The following PPARGC1A variants were observed in gnomAD, a reference collection of about 807,000 sequenced individuals.
The protein encoded by PPARGC1A is peroxisome proliferator-activated receptor gamma coactivator 1-alpha.
PPARGC1A carries 25 observed loss-of-function variants against 88.7 expected under a neutral mutation model. The ratio of observed to expected loss-of-function variants is 0.28; its 90% confidence interval spans 0.21 to 0.39. The LOEUF (loss-of-function observed/expected upper bound fraction) is 0.39. Ranked by LOEUF, PPARGC1A falls within the 10% of genes least tolerant of loss-of-function variation. The pLI is 1.00. For missense variants in PPARGC1A, 880 were observed against 968.7 expected (o/e 0.91, Z 1.22); for synonymous variants, 363 against 355.6 (o/e 1.02, Z -0.24).
chr4:23,805,391 G>T (rs2109373345), intron 10 of PPARGC1A, among the ~76,000 whole-genome samples: 1 of 152,328 alleles, frequency 6.6e-6, no homozygotes, highest in South Asian at 2.1e-4. Flanking sequence ...ATAACAAACA[G>T]TTGGTAAAAC....
intron 2 of PPARGC1A, among the ~76,000 whole-genome samples, chr4:23,844,316 T>TTATAG (rs59288315): frequency 0.62 from 86,963 of 140,014 alleles, 27,314 homozygotes; most frequent in Admixed American, 0.7. Context: ...ACATATTATA[T>TTATAG]TAGAATAATC....
At chr4:24,300,367 T>G in the PPARGC1A span, among the ~76,000 whole-genome samples, 1 of 110,048 alleles carries the variant, frequency 9.1e-6, no homozygotes, top group African/African-American at 3.6e-5. Context: ...TTTTTTTTTT[T>G]GCTTAAGTTA....
At chr4:24,169,899 A>T in the PPARGC1A span, among the ~76,000 whole-genome samples, 1 of 152,202 alleles carries the variant, frequency 6.6e-6, no homozygotes, top group Admixed American at 6.5e-5. Flanking sequence ...ATTTTACATG[A>T]TCATACAAAT....
the PPARGC1A span, among the ~76,000 whole-genome samples, chr4:23,989,943 T>C: frequency 6.7e-6 from 1 of 149,598 alleles, no homozygotes; most frequent in South Asian, 2.1e-4. Flanking sequence ...AAATAATTTG[T>C]ACCTACCATG....
At chr4:24,311,292 G>A in the PPARGC1A span, among the ~76,000 whole-genome samples, 1 of 147,058 alleles carries the variant, frequency 6.8e-6, no homozygotes, top group African/African-American at 2.5e-5. Context: ...TAGTAGCGAC[G>A]GTGTTTCACC....
the PPARGC1A span, among the ~76,000 whole-genome samples, chr4:24,393,036 CA>C: frequency 2.6e-5 from 4 of 151,902 alleles, no homozygotes; most frequent in Non-Finnish European, 5.9e-5. Context: ...CACACACACA[CA>C]CACACACACA....
At chr4:23,997,497 C>CTTT in the PPARGC1A span, among the ~76,000 whole-genome samples, 10,169 of 96,892 alleles carry the variant, frequency 0.1, 464 homozygotes, top group Non-Finnish European at 0.12. Context: ...CAAGAAAGCC[C>CTTT]TTTTTTTTTT....
the PPARGC1A span, among the ~76,000 whole-genome samples, chr4:24,095,746 A>G: frequency 1.3e-5 from 2 of 152,244 alleles, no homozygotes; most frequent in African/African-American, 4.8e-5. Context: ...ATCCAAAACC[A>G]AGGCACTGGC....
chr4:24,446,158 A>G, the PPARGC1A span, among the ~76,000 whole-genome samples: 3 of 152,210 alleles, frequency 2.0e-5, no homozygotes, highest in South Asian at 4.1e-4. Flanking sequence ...ACAGGACCTC[A>G]TTCTGGAACT....
chr4:24,062,994 G>C, the PPARGC1A span, among the ~76,000 whole-genome samples: 1 of 152,166 alleles, frequency 6.6e-6, no homozygotes, highest in Admixed American at 6.5e-5. Context: ...TGTAAACGAT[G>C]GTTCATCTTC....
At chr4:24,273,203 C>T in the PPARGC1A span, among the ~76,000 whole-genome samples, 1 of 152,182 alleles carries the variant, frequency 6.6e-6, no homozygotes, top group Non-Finnish European at 1.5e-5. Flanking sequence ...GCTTGGGGAG[C>T]TGCTTGAGAA....
At chr4:23,882,173 A>G (rs4469064) in intron 2 of PPARGC1A, 18,129 of 152,178 alleles carry the variant, frequency 0.12, 1,417 homozygotes, top group African/African-American at 0.22. Flanking sequence ...GCTTTGTGAC[A>G]TCAGAGAAAA....
chr4:23,940,256 G>T, the PPARGC1A span, among the ~76,000 whole-genome samples: 1 of 152,184 alleles, frequency 6.6e-6, no homozygotes, highest in African/African-American at 2.4e-5. Flanking sequence ...AAACTCAAGA[G>T]ACATGCAGAA....
chr4:23,914,038 G>A, the PPARGC1A span, among the ~76,000 whole-genome samples: 1 of 152,218 alleles, frequency 6.6e-6, no homozygotes, highest in Non-Finnish European at 1.5e-5. Flanking sequence ...GGAGCTGCTA[G>A]AAAAGTCCAG....
At chr4:24,108,120 C>T in the PPARGC1A span, among the ~76,000 whole-genome samples, 1 of 152,170 alleles carries the variant, frequency 6.6e-6, no homozygotes, top group African/African-American at 2.4e-5. Context: ...CAGTCTCTTT[C>T]CCATATGCCT....
the PPARGC1A span, among the ~76,000 whole-genome samples, chr4:24,387,910 GAA>G: frequency 2.2e-4 from 2 of 9,208 alleles, no homozygotes; most frequent in Non-Finnish European, 3.6e-3. Context: ...GAAAGAGAAA[GAA>G]AGAAAGAAAG....
intron 5 of PPARGC1A, among the ~76,000 whole-genome samples, chr4:23,826,715 G>T (rs1724014658): frequency 6.6e-6 from 1 of 151,950 alleles, no homozygotes; most frequent in Non-Finnish European, 1.5e-5. Context: ...AAAGAATTTT[G>T]TCTGTTTGTC....
chr4:23,896,382 G>C (rs1016452196), intron 1 of PPARGC1A, among the ~76,000 whole-genome samples: 1 of 152,130 alleles, frequency 6.6e-6, no homozygotes, highest in African/African-American at 2.4e-5. Flanking sequence ...GTAGCAGATA[G>C]AAATAGCCCC....
At chr4:24,276,909 C>T in the PPARGC1A span, among the ~76,000 whole-genome samples, 1 of 152,104 alleles carries the variant, frequency 6.6e-6, no homozygotes, top group African/African-American at 2.4e-5. Context: ...CATATAACCC[C>T]CAAGCAAAAT....
Sources: gnomAD v4.1 joint callset for allele counts (sites outside exome capture counted in the v4.1 genomes callset) on GRCh38, gnomAD v4.1.1 for gene constraint, MANE v1.5 for transcripts, NCBI Gene and HGNC (gene_info 2026-07-23, HGNC 2026-07-21) for gene names.